SAMMSON: variants seen among roughly 807,000 people sequenced by gnomAD.
SAMMSON encodes the protein survival associated mitochondrial melanoma specific oncogenic non-coding RNA.
chr3:70,411,692 A>T (rs1221164150), intron 2 of SAMMSON, among the ~76,000 whole-genome samples: 2 of 152,112 alleles, frequency 1.3e-5, no homozygotes, highest in Non-Finnish European at 2.9e-5. Flanking sequence ...ACAAGAACTG[A>T]TGGTTTTATA....
chr3:70,114,395 T>C (rs2067401825), intron 4 of SAMMSON, among the ~76,000 whole-genome samples: 1 of 152,216 alleles, frequency 6.6e-6, no homozygotes, highest in African/African-American at 2.4e-5. Context: ...ACGAAATCTC[T>C]TTGTCGACAG....
intron 4 of SAMMSON, among the ~76,000 whole-genome samples, chr3:70,084,406 C>G (rs1165394190): frequency 6.6e-6 from 1 of 152,200 alleles, no homozygotes; most frequent in African/African-American, 2.4e-5. Flanking sequence ...AATCATGCAG[C>G]CTGCTTCTAC....
At position 70,282,307 on chromosome 3, in the gene SAMMSON, G is replaced by C. The variant is rs373595904; in HGVS notation, n.675-8872G>C. 1.1e-4 allele frequency among the ~76,000 whole-genome samples: 16 copies of C among 152,146 alleles called. No homozygotes were observed. The South Asian group carries it at 3.3e-3, about 31-fold the overall frequency. ...TAACAGACACACCACTTAAGAAGAT[G>C]TATCCACCACATGGAATCTGATGTG... On this transcript the variant is annotated intron_variant and non_coding_transcript_variant, in intron 6 of 9. Coordinates refer to ENST00000642114, the Ensembl canonical transcript of SAMMSON.
At chr3:70,418,898 C>G (rs1701285421) in intron 2 of SAMMSON, among the ~76,000 whole-genome samples, 3 of 135,214 alleles carry the variant, frequency 2.2e-5, no homozygotes, top group Non-Finnish European at 4.7e-5. Flanking sequence ...AACTCAAAAT[C>G]CAAGGGTTTG....
At chr3:70,126,757 C>G (rs1400868842) in intron 4 of SAMMSON, 1 of 237,592 alleles carries the variant, frequency 4.2e-6, no homozygotes. Context: ...GCTCTGTTGC[C>G]TAGGCTGGAG....
At chr3:70,233,753 T>A (rs987841320) in intron 4 of SAMMSON, among the ~76,000 whole-genome samples, 2 of 152,166 alleles carry the variant, frequency 1.3e-5, no homozygotes, top group Non-Finnish European at 2.9e-5. Flanking sequence ...AGTTTGTACC[T>A]TTTTTTGGTC....
At chr3:70,145,629 T>C (rs995187456) in intron 4 of SAMMSON, among the ~76,000 whole-genome samples, 7 of 150,414 alleles carry the variant, frequency 4.7e-5, no homozygotes, top group Admixed American at 4.0e-4. Flanking sequence ...CTCAGGGAAT[T>C]TGGAATATAT....
At chr3:70,401,937 C>T (rs963052418) in intron 2 of SAMMSON, among the ~76,000 whole-genome samples, 5 of 152,138 alleles carry the variant, frequency 3.3e-5, no homozygotes, top group Admixed American at 1.3e-4. Flanking sequence ...AGTGCTTGTC[C>T]TCTTCCTAAT....
At chr3:70,025,580 A>G (rs773911002) in intron 3 of SAMMSON, among the ~76,000 whole-genome samples, 12 of 152,336 alleles carry the variant, frequency 7.9e-5, no homozygotes, top group Non-Finnish European at 1.3e-4. Context: ...ACCTTAAACC[A>G]TAAATCCTGT....
At chr3:70,092,121 C>A (rs2067306955) in intron 4 of SAMMSON, among the ~76,000 whole-genome samples, 2 of 152,236 alleles carry the variant, frequency 1.3e-5, no homozygotes, top group South Asian at 2.1e-4. Flanking sequence ...TGGAAATGAA[C>A]CTCTCTGGTC....
At chr3:70,008,330 G>C (rs9842554) in intron 1 of SAMMSON, among the ~76,000 whole-genome samples, 20,525 of 152,020 alleles carry the variant, frequency 0.14, 2,038 homozygotes, top group African/African-American at 0.27. Context: ...ATTGAGCGGT[G>C]GTTTGTAGTT....
At chr3:70,261,014 T>G (rs1701860617) in intron 6 of SAMMSON, among the ~76,000 whole-genome samples, 1 of 152,160 alleles carries the variant, frequency 6.6e-6, no homozygotes. Context: ...AAAATTCCGC[T>G]TGACATGAAA....
chr3:70,226,610 T>G (rs1575601535), intron 4 of SAMMSON, among the ~76,000 whole-genome samples: 1 of 151,086 alleles, frequency 6.6e-6, no homozygotes, highest in African/African-American at 2.4e-5. Flanking sequence ...TGGTGGCGGG[T>G]GCCTGTAATC....
intron 9 of SAMMSON, among the ~76,000 whole-genome samples, chr3:70,386,167 C>A (rs1703121681): frequency 6.6e-6 from 1 of 152,072 alleles, no homozygotes; most frequent in African/African-American, 2.4e-5. Context: ...CAGCCTTGTG[C>A]TAACAGGTCA....
chr3:70,131,084 C>T (rs540635548), intron 4 of SAMMSON, among the ~76,000 whole-genome samples: 2 of 152,224 alleles, frequency 1.3e-5, no homozygotes, highest in South Asian at 4.2e-4. Flanking sequence ...TTTTTGACTG[C>T]AAGTAACAGA....
At chr3:70,231,544 CTTG>C (rs1469677455) in intron 4 of SAMMSON, among the ~76,000 whole-genome samples, 9 of 152,168 alleles carry the variant, frequency 5.9e-5, no homozygotes, top group Non-Finnish European at 1.3e-4. Context: ...GTCTGAATGA[CTTG>C]TTAGTTGTGC....
At chr3:70,343,060 T>C (rs1702724028) in intron 7 of SAMMSON, among the ~76,000 whole-genome samples, 1 of 152,176 alleles carries the variant, frequency 6.6e-6, no homozygotes, top group African/African-American at 2.4e-5. Context: ...TGAAGCCAAT[T>C]CCTCATTACA....
At chr3:70,046,109 G>A (rs941254871) in intron 3 of SAMMSON, among the ~76,000 whole-genome samples, 1 of 152,004 alleles carries the variant, frequency 6.6e-6, no homozygotes, top group African/African-American at 2.4e-5. Flanking sequence ...TGGGCAAGAT[G>A]TTTCATTTTA....
chr3:70,403,367 A>C (rs1363540492), intron 2 of SAMMSON, among the ~76,000 whole-genome samples: 1 of 152,180 alleles, frequency 6.6e-6, no homozygotes, highest in Non-Finnish European at 1.5e-5. Flanking sequence ...AAATGGATTA[A>C]CGTGAAAAGA....
Sources: gnomAD v4.1 joint callset for allele counts (sites outside exome capture counted in the v4.1 genomes callset) on GRCh38, gnomAD v4.1.1 for gene constraint, MANE v1.5 for transcripts, NCBI Gene and HGNC (gene_info 2026-07-23, HGNC 2026-07-21) for gene names.